CCDC73: variants seen among roughly 807,000 people sequenced by gnomAD.
CCDC73 encodes coiled-coil domain-containing protein 73.
In CCDC73, 95 loss-of-function variants were observed where a neutral mutation model predicts 116.5. That is an observed-to-expected ratio of 0.82 (90% confidence interval 0.69 to 0.97). The LOEUF is 0.97. CCDC73 is among the 50% of genes least tolerant of loss of function. CCDC73 has a pLI of 0.00. For missense variants in CCDC73, 1,066 were observed against 1,206.8 expected (o/e 0.88, Z 1.73); for synonymous variants, 398 against 401.3 (o/e 0.99, Z 0.10).
intron 2 of CCDC73, among the ~76,000 whole-genome samples, chr11:32,730,260 A>G (rs976598847): frequency 5.3e-5 from 8 of 152,166 alleles, no homozygotes; most frequent in African/African-American, 1.9e-4. Context: ...CCCCTCTCCT[A>G]TCCTCCAATA....
chr11:32,753,628 C>T (rs1315085574), intron 2 of CCDC73, among the ~76,000 whole-genome samples: 1 of 152,096 alleles, frequency 6.6e-6, no homozygotes, highest in Admixed American at 6.5e-5. Flanking sequence ...CCATGCCCAG[C>T]TAATTTTTTG....
At chr11:32,696,436 C>CT (rs1260479764) in intron 6 of CCDC73, among the ~76,000 whole-genome samples, 1 of 151,450 alleles carries the variant, frequency 6.6e-6, no homozygotes, top group Non-Finnish European at 1.5e-5. Context: ...ACCTAAATAT[C>CT]TTTTTTTTGA....
intron 6 of CCDC73, among the ~76,000 whole-genome samples, chr11:32,684,907 G>A (rs1382958195): frequency 1.3e-5 from 2 of 152,034 alleles, no homozygotes; most frequent in South Asian, 2.1e-4. Context: ...CTTGAGCCCG[G>A]GGGGTGGAGG....
chr11:32,744,692 C>T (rs1249864580), intron 2 of CCDC73, among the ~76,000 whole-genome samples: 5 of 152,210 alleles, frequency 3.3e-5, no homozygotes, highest in African/African-American at 7.2e-5. Context: ...AGTTTATATG[C>T]GTATAGGTGT....
intron 13 of CCDC73, among the ~76,000 whole-genome samples, chr11:32,638,090 A>T (rs1207873348): frequency 6.6e-6 from 1 of 152,168 alleles, no homozygotes; most frequent in African/African-American, 2.4e-5. Flanking sequence ...TATATATAAA[A>T]TGTCACTAAC....
chr11:32,798,453 G>A (rs949829996), upstream of CCDC73, among the ~76,000 whole-genome samples: 2 of 152,136 alleles, frequency 1.3e-5, no homozygotes, highest in Admixed American at 6.5e-5. Context: ...GACCACAGGC[G>A]CACGCCACCA....
chr11:32,790,792 A>G (rs1222331595), intron 1 of CCDC73, among the ~76,000 whole-genome samples: 1 of 152,116 alleles, frequency 6.6e-6, no homozygotes, highest in Admixed American at 6.5e-5. Context: ...TCATTATGAA[A>G]CTATAACATA....
chr11:32,680,930 T>G (rs191429938), intron 7 of CCDC73: 3 of 152,006 alleles, frequency 2.0e-5, no homozygotes, highest in Non-Finnish European at 4.4e-5. Flanking sequence ...GTTGCAAATA[T>G]GAGGCATAGA....
intron 2 of CCDC73, among the ~76,000 whole-genome samples, chr11:32,733,413 G>A (rs1211504683): frequency 1.3e-5 from 2 of 152,162 alleles, no homozygotes; most frequent in East Asian, 3.8e-4. Flanking sequence ...TCTGCACCAA[G>A]TGGACCTAAG....
chr11:32,712,191 C>T (rs1378322879), intron 3 of CCDC73, among the ~76,000 whole-genome samples: 1 of 152,072 alleles, frequency 6.6e-6, no homozygotes, highest in African/African-American at 2.4e-5. Flanking sequence ...CATGATCTCA[C>T]TTATATATGG....
intron 2 of CCDC73, among the ~76,000 whole-genome samples, chr11:32,727,642 G>A (rs1850039986): frequency 6.6e-6 from 1 of 151,998 alleles, no homozygotes; most frequent in Non-Finnish European, 1.5e-5. Context: ...GCGCCATCTC[G>A]GCTCACTGCA....
rs145432873 is a variant in CCDC73, at chr11:32,658,005, C to T, written c.646-3033G>A. Reference sequence around the variant, plus strand: ...CCATCTCTTAAAAATAAAAACCCACCCCCTACCCTAGTCTCTTTAAAAAAA... The same window carrying T: ...CCATCTCTTAAAAATAAAAACCCACTCCCTACCCTAGTCTCTTTAAAAAAA... On this transcript the variant is annotated intron_variant, in intron 9 of 17. Coordinates refer to ENST00000335185, the MANE Select transcript of CCDC73 (RefSeq NM_001008391.4). Among the ~76,000 whole-genome samples, 1,394 of 147,324 alleles carry T rather than the reference C, an allele frequency of 9.5e-3. 25 individuals are homozygous for T. The highest frequency in any genetic ancestry group is 0.033 in the African/African-American group (1,314 of 39,372).
chr11:32,604,911 G>A (rs911261154), intron 17 of CCDC73: 5 of 152,132 alleles, frequency 3.3e-5, no homozygotes, highest in Admixed American at 2.6e-4. Flanking sequence ...GGAGTGCAGT[G>A]GCGCCATCTC....
intron 12 of CCDC73, among the ~76,000 whole-genome samples, chr11:32,643,320 CAT>C (rs1446790925): frequency 2.0e-5 from 3 of 152,006 alleles, no homozygotes; most frequent in African/African-American, 4.8e-5. Flanking sequence ...TTCAGGATAA[CAT>C]AGATATTTTT....
chr11:32,697,374 A>C (rs1015160201), intron 6 of CCDC73, among the ~76,000 whole-genome samples: 1 of 152,042 alleles, frequency 6.6e-6, no homozygotes, highest in African/African-American at 2.4e-5. Flanking sequence ...GGTCATATTC[A>C]AATATCCCAA....
chr11:32,681,383 C>A (rs1297763093), intron 7 of CCDC73: 1 of 151,976 alleles, frequency 6.6e-6, no homozygotes, highest in Non-Finnish European at 1.5e-5. Flanking sequence ...TTCTCTCTCA[C>A]ATGTTTTTAT....
At chr11:32,611,738 A>G (rs550909596) in intron 16 of CCDC73, among the ~76,000 whole-genome samples, 1 of 152,224 alleles carries the variant, frequency 6.6e-6, no homozygotes, top group Non-Finnish European at 1.5e-5. Context: ...AAGGGGTCAC[A>G]TTGGGCTTTA....
chr11:32,795,441 A>G (rs1170209330), upstream of CCDC73, among the ~76,000 whole-genome samples: 4 of 150,890 alleles, frequency 2.7e-5, no homozygotes, highest in Non-Finnish European at 4.4e-5. Context: ...ACTGCACTCC[A>G]GCCTAGGCAA....
Position 32,613,681 on chromosome 11 carries a change from G to A in CCDC73, c.2637C>T (p.Asn879=), listed in dbSNP as rs1368339988. 3 of 1,614,060 alleles carry A rather than the reference G, an allele frequency of 1.9e-6. No homozygotes were observed. In the South Asian group the frequency reaches 3.3e-5, roughly 18 times the overall value. ...FHIEPSGDLV[N]RSGRSTFDLS... ...GATCAAAGGTTGACCTTCCGCTTCTGTTTACTAAATCTCCAGATGGCTCTA... is the reference window on the plus strand; with the variant it reads ...GATCAAAGGTTGACCTTCCGCTTCTATTTACTAAATCTCCAGATGGCTCTA... The change falls in exon 16 of 18, where the codon AAC becomes AAT. Residue 879 remains asparagine, a synonymous_variant. Transcript: ENST00000335185.
Sources: allele counts gnomAD v4.1 joint callset (sites outside exome capture counted in the v4.1 genomes callset), GRCh38; gene constraint gnomAD v4.1.1; transcripts MANE v1.5; gene names NCBI Gene and HGNC (gene_info 2026-07-23, HGNC 2026-07-21).